The following RFC1 variants were observed in gnomAD, a reference collection of about 807,000 sequenced individuals.
The protein encoded by RFC1 is replication factor C subunit 1.
A neutral mutation model predicts 137.4 loss-of-function variants in RFC1; 37 were observed. That is an observed-to-expected ratio of 0.27 (90% confidence interval 0.21 to 0.35). The LOEUF (loss-of-function observed/expected upper bound fraction) is 0.35. RFC1 is among the 10% of genes least tolerant of loss of function. The pLI is 1.00. For synonymous variants in RFC1, 429 were observed against 455.7 expected (o/e 0.94, Z 0.75); for missense variants, 1,205 against 1,358.5 (o/e 0.89, Z 1.78).
intron 2 of RFC1, 59 bp downstream of exon 2, chr4:39,351,289 A>G (rs1741187788): frequency 5.8e-6 from 4 of 692,292 alleles, no homozygotes; most frequent in Non-Finnish European, 8.3e-6. Flanking sequence ...AAAAAAACTT[A>G]TAAGAACTGA....
At chr4:39,354,728 G>A (rs1309220127) in intron 1 of RFC1, among the ~76,000 whole-genome samples, 2 of 115,106 alleles carry the variant, frequency 1.7e-5, no homozygotes, top group Non-Finnish European at 3.4e-5. Flanking sequence ...GTTCAGCCTG[G>A]ACAACATAGT....
At position 39,320,642 on chromosome 4, in the gene RFC1, C is replaced by T. The variant is rs149569383; in HGVS notation, c.836G>A (p.Arg279Lys). The T allele has an allele frequency of 5.7e-6, 9 of 1,583,704 alleles. No individual in the cohort carries two copies. The African/African-American group carries it at 9.6e-5, about 17-fold the overall frequency. ...KVKTAQVSDE[R>K]KSYSPRKQSK... ...TTGCTTCCTAGGACTGTAGCTCTTT[C>T]TTTCATCTGAAACTTGTGCTGTTTT... is the stretch of plus-strand genomic sequence containing the variant. Residue 279 changes from arginine to lysine, a missense_variant, in exon 9 of 25, where the codon AGA becomes AAA. Physicochemically the swap from Arg to Lys is conservative, Grantham distance 26. Coordinates refer to ENST00000349703, the MANE Select transcript of RFC1 (RefSeq NM_002913.5).
At chr4:39,364,114 T>C (rs1029912923) in intron 1 of RFC1, among the ~76,000 whole-genome samples, 2 of 148,150 alleles carry the variant, frequency 1.3e-5, no homozygotes, top group African/African-American at 5.0e-5. Context: ...AAGAAGAAGA[T>C]AGGTCAATCC....
At chr4:39,315,757 T>G (rs973167212) in intron 10 of RFC1, among the ~76,000 whole-genome samples, 1 of 152,222 alleles carries the variant, frequency 6.6e-6, no homozygotes, top group African/African-American at 2.4e-5. Context: ...CCTCTTCTAG[T>G]GAAACCTCTC....
intron 3 of RFC1, 58 bp downstream of exon 3, chr4:39,345,343 G>A: frequency 6.9e-7 from 1 of 1,439,964 alleles, no homozygotes; most frequent in Non-Finnish European, 9.7e-7. Context: ...TTAAAGCACT[G>A]TTCTAAGGGA....
rs561399261 is a variant in RFC1 at position 39,319,322 on chromosome 4, A to G, written c.1095+1061T>C. Among the ~76,000 whole-genome samples the G allele has an allele frequency of 5.9e-5, 9 of 152,312 alleles. No individual in the cohort carries two copies. The South Asian group carries it at 1.9e-3, about 32-fold the overall frequency. On this transcript the variant is annotated intron_variant, in intron 9 of 24. Coordinates refer to ENST00000349703, the MANE Select transcript of RFC1 (RefSeq NM_002913.5). ...CCTGTGTGTGGAGCCACTATGTTATACTGCTTCAGAGGACCTGAGTTCAAG... is the reference window on the plus strand; with the variant it reads ...CCTGTGTGTGGAGCCACTATGTTATGCTGCTTCAGAGGACCTGAGTTCAAG...
intron 4 of RFC1, among the ~76,000 whole-genome samples, chr4:39,336,864 A>G (rs979909797): frequency 2.0e-5 from 3 of 152,268 alleles, no homozygotes; most frequent in African/African-American, 7.2e-5. Flanking sequence ...GCTGATGATG[A>G]TTCAAAGCAA....
At position 39,351,093 on chromosome 4, in the gene RFC1, T is replaced by C. The variant is rs1296033579; in HGVS notation, c.132+255A>G. On this transcript the variant is annotated intron_variant, in intron 2 of 24. Transcript: ENST00000349703. ...GTGAAACCCCGTCTCTACTAAAAAA[T>C]AGAAAAAATTAGCTGGGTGTGGTGG... is the stretch of plus-strand genomic sequence containing the variant. Among the ~76,000 whole-genome samples, 12 of 151,320 alleles carry C rather than the reference T, an allele frequency of 7.9e-5. No individual in the cohort carries two copies. In the East Asian group the frequency reaches 2.1e-3, roughly 27 times the overall value.
intron 10 of RFC1, among the ~76,000 whole-genome samples, chr4:39,314,830 C>T (rs568066238): frequency 6.6e-6 from 1 of 151,440 alleles, no homozygotes; most frequent in South Asian, 2.1e-4. Context: ...GTATACTTAT[C>T]CCCTCCCCTC....
Position 39,311,485 on chromosome 4 carries a change from G to A in RFC1, c.1448C>T (p.Pro483Leu). 1 of 1,613,968 alleles carries A rather than the reference G, an allele frequency of 6.2e-7. No individual in the cohort carries two copies. The highest frequency in any genetic ancestry group is 8.5e-7 in the Non-Finnish European group (1 of 1,179,942). Residue 483 changes from proline to leucine, a missense_variant, in exon 12 of 25, where the codon CCA (proline) becomes CTA (leucine). Pro to Leu is a moderately conservative substitution (Grantham distance 98). This residue lies in a region of RFC1 where 962 missense variants were observed against 1,035.3 expected (regional missense o/e 0.93). Coordinates refer to ENST00000349703, the MANE Select transcript of RFC1 (RefSeq NM_002913.5). ...TATTTCATACTTGGATTTCTTGCCT[G>A]GCATAGTCCGAATCAGATTCAACAG... ...DGLLNLIRTM[P>L]GKKSKYEIAV...
chr4:39,317,091 T>C, intron 9 of RFC1, 69 bp from the exon 10 acceptor site: 1 of 903,490 alleles, frequency 1.1e-6, no homozygotes, highest in Admixed American at 2.0e-5. Flanking sequence ...AATACATATC[T>C]AGAAATAAAC....
chr4:39,292,056 C>T, intron 22 of RFC1: 1 of 521,620 alleles, frequency 1.9e-6, no homozygotes, highest in East Asian at 3.0e-5. Context: ...TCAATGTGCC[C>T]AAAGGAAATT....
At chr4:39,314,615 GTC>G (rs1227777967) in intron 10 of RFC1, among the ~76,000 whole-genome samples, 1 of 151,694 alleles carries the variant, frequency 6.6e-6, no homozygotes, top group African/African-American at 2.4e-5. Flanking sequence ...AACTTGTTTG[GTC>G]TCTCATACCC....
Position 39,320,636 on chromosome 4 carries a change from C to G in RFC1, c.842G>C (p.Ser281Thr). Reference sequence around the variant, plus strand: ...TTTACTTTGCTTCCTAGGACTGTAGCTCTTTCTTTCATCTGAAACTTGTGC... The same window carrying G: ...TTTACTTTGCTTCCTAGGACTGTAGGTCTTTCTTTCATCTGAAACTTGTGC... Reference protein sequence around the residue: ...KTAQVSDERKSYSPRKQSKYE... With the variant: ...KTAQVSDERKTYSPRKQSKYE... Residue 281 changes from serine (S) to threonine (T), a missense_variant, in exon 9 of 25, where the codon AGC becomes ACC. Ser to Thr is a moderately conservative substitution (Grantham distance 58). Transcript: ENST00000349703. 1.3e-6 allele frequency: 2 copies of G among 1,587,338 alleles called. No individual in the cohort carries two copies. Among genetic ancestry groups the G allele is most frequent in the Non-Finnish European group, 1.7e-6 (2 of 1,172,550 alleles).
intron 12 of RFC1, 59 bp downstream of exon 12, chr4:39,311,386 G>A (rs186580925): frequency 1.4e-6 from 2 of 1,393,402 alleles, no homozygotes; most frequent in African/African-American, 2.8e-5. Context: ...CAAGACATAT[G>A]TCTATGAAAT....
chr4:39,360,599 G>T (rs565546561), intron 1 of RFC1, among the ~76,000 whole-genome samples: 1 of 151,884 alleles, frequency 6.6e-6, no homozygotes, highest in Non-Finnish European at 1.5e-5. Context: ...GCCTGGCATG[G>T]TGGCGAGCAC....
intron 21 of RFC1, chr4:39,297,560 T>C (rs573783560): frequency 6.6e-6 from 1 of 151,810 alleles, no homozygotes; most frequent in South Asian, 2.1e-4. Flanking sequence ...GATCAGACAG[T>C]TGTAGGTATG....
In RFC1 at chr4:39,291,781, A is replaced by G; in HGVS notation, c.3026T>C (p.Leu1009Ser). 6.2e-7 allele frequency: 1 copy of G among 1,614,038 alleles called. No homozygotes were observed. Among genetic ancestry groups the G allele is most frequent in the Non-Finnish European group, 8.5e-7 (1 of 1,179,888 alleles). The stretch of plus-strand genomic sequence containing the variant: ...TACTCCGTCTACTCCTTGTGAGGTC[A>G]AGGGCTGTACAAGTGCATCCCTTAG... The part of the protein sequence containing the change: ...SLLRDALVQP[L>S]TSQGVDGVQD... The change falls in exon 23 of 25, where the codon TTG becomes TCG. Residue 1009 changes from leucine to serine, a missense_variant. Physicochemically the swap from Leu to Ser is moderately radical, Grantham distance 145. Around this residue, in one of 3 missense-constraint regions of RFC1, gnomAD observed 237 missense variants for 304.2 expected, o/e 0.78. Transcript: ENST00000349703.
intron 1 of RFC1, among the ~76,000 whole-genome samples, chr4:39,356,967 C>A (rs924875869): frequency 6.6e-6 from 1 of 152,156 alleles, no homozygotes; most frequent in African/African-American, 2.4e-5. Context: ...CAACTTTTTT[C>A]ATTCAATCAT....
Sources: allele counts gnomAD v4.1 joint callset (sites outside exome capture counted in the v4.1 genomes callset), GRCh38; gene constraint gnomAD v4.1.1; regional missense constraint gnomAD v4.1.1; transcripts MANE v1.5; gene names NCBI Gene and HGNC (gene_info 2026-07-23, HGNC 2026-07-21).